The following ZNF622 variants were observed in gnomAD, a reference collection of about 807,000 sequenced individuals.
ZNF622 encodes cytoplasmic 60S subunit biogenesis factor ZNF622.
Under a neutral mutation model 49.7 loss-of-function variants are expected in ZNF622, and 34 were observed. The observed-to-expected ratio is 0.68, with a 90% CI of 0.52 to 0.91. The LOEUF (loss-of-function observed/expected upper bound fraction) is 0.91, where lower values mean the gene tolerates loss of function less well. ZNF622 is among the 40% of genes least tolerant of loss of function. ZNF622 has a pLI of 0.00. For missense variants in ZNF622, 569 were observed against 616.4 expected (o/e 0.92, Z 0.81); for synonymous variants, 209 against 228.7 (o/e 0.91, Z 0.78).
intron 3 of ZNF622, among the ~76,000 whole-genome samples, chr5:16,459,253 T>C (rs1738084626): frequency 6.6e-6 from 1 of 152,180 alleles, no homozygotes; most frequent in Non-Finnish European, 1.5e-5. Context: ...AAAGTGTACA[T>C]TAAATTATTA....
chr5:16,452,362 T>C (rs1737948112), intron 5 of ZNF622, among the ~76,000 whole-genome samples: 3 of 152,210 alleles, frequency 2.0e-5, no homozygotes, highest in African/African-American at 7.2e-5. Flanking sequence ...AGAATAGATG[T>C]AAAGAGTACC....
Position 16,451,897 on chromosome 5 carries a change from T to C in ZNF622, c.1307-113A>G, listed in dbSNP as rs1316022618. 4.4e-6 allele frequency: 6 copies of C among 1,355,430 alleles called. No homozygotes were observed. The East Asian group carries it at 1.4e-4, about 32-fold the overall frequency. The allele number at this position is 1,355,430 out of a possible 1,614,324, so 84.0% of individuals were successfully genotyped here. On this transcript the variant is annotated intron_variant, in intron 5 of 5. Transcript: ENST00000308683. ...TTAGTTTGGGGTAACTAGGTTCTTG[T>C]ATTTAAAACAGAGTTGCTAACTTGG...
At chr5:16,453,559 T>TTATATA (rs58965299) in intron 4 of ZNF622, among the ~76,000 whole-genome samples, 1,745 of 66,208 alleles carry the variant, frequency 0.026, 114 homozygotes, top group Non-Finnish European at 0.037. Context: ...TAAATAAAAA[T>TTATATA]TATATATATA....
At chr5:16,455,233 C>A (rs1339767675) in intron 4 of ZNF622, among the ~76,000 whole-genome samples, 2 of 152,146 alleles carry the variant, frequency 1.3e-5, no homozygotes, top group Non-Finnish European at 1.5e-5. Flanking sequence ...CTTTCAGAAT[C>A]TTTTGTGTAA....
intron 3 of ZNF622, among the ~76,000 whole-genome samples, chr5:16,461,550 T>C (rs1561069863): frequency 2.0e-5 from 3 of 152,154 alleles, no homozygotes; most frequent in South Asian, 2.1e-4. Flanking sequence ...AGATAGATAG[T>C]GCAAAAGCAG....
chr5:16,456,434 T>C (rs1299654456), intron 4 of ZNF622, among the ~76,000 whole-genome samples: 1 of 152,222 alleles, frequency 6.6e-6, no homozygotes, highest in Non-Finnish European at 1.5e-5. Context: ...GGATACTTTT[T>C]GTCATTAGCT....
In ZNF622 at chr5:16,463,811, C is replaced by T. The variant is rs879215564; in HGVS notation, c.626-69G>A. On this transcript the variant is annotated intron_variant, in intron 1 of 5. Coordinates refer to ENST00000308683, the MANE Select transcript of ZNF622 (RefSeq NM_033414.3). This position sits in a 1 kb window ranked among gnomAD's most constrained non-coding sequence, Gnocchi z 4.2. Reference sequence around the variant, plus strand: ...AGCAAGCAAAGATATCACAAAAATTCACGAGGTGATACAGTCCTATATTTG... The same window carrying T: ...AGCAAGCAAAGATATCACAAAAATTTACGAGGTGATACAGTCCTATATTTG... 6.5e-7 allele frequency: 1 copy of T among 1,539,512 alleles called. No homozygotes were observed. Among genetic ancestry groups the T allele is most frequent in the East Asian group, 2.2e-5 (1 of 44,480 alleles).
Position 16,458,581 on chromosome 5 carries a change from C to T in ZNF622, c.1098G>A (p.Glu366=). ...CCAAGTTCTTTTCTGAGGGCAACTC[C>T]TCAGCCTTATTGGGGTCCTCCCCTT... The part of the protein sequence containing the change: ...HKEGEDPNKA[E]ELPSEKNLEY... The change falls in exon 4 of 6, where the codon GAG becomes GAA. Residue 366 remains glutamate (E), a synonymous_variant. Coordinates refer to ENST00000308683, the MANE Select transcript of ZNF622 (RefSeq NM_033414.3). 1.2e-6 allele frequency: 2 copies of T among 1,613,846 alleles called. No homozygotes were observed. The highest frequency in any genetic ancestry group is 1.7e-6 in the Non-Finnish European group (2 of 1,179,832).
At chr5:16,452,790 GTA>G (rs1379838646) in intron 5 of ZNF622, among the ~76,000 whole-genome samples, 2 of 152,144 alleles carry the variant, frequency 1.3e-5, no homozygotes, top group Non-Finnish European at 2.9e-5. Flanking sequence ...AAAGTTAATG[GTA>G]TATAAAATCA....
intron 4 of ZNF622, among the ~76,000 whole-genome samples, chr5:16,453,391 T>TA (rs1737965225): frequency 6.6e-6 from 1 of 151,556 alleles, no homozygotes. Flanking sequence ...ATAGATTTTT[T>TA]AAAAAGAAAA....
chr5:16,458,709 G>T, intron 3 of ZNF622, 80 bp from the exon 4 acceptor site: 1 of 1,021,054 alleles, frequency 9.8e-7, no homozygotes, highest in Non-Finnish European at 1.4e-6. Context: ...TGCAAATGTG[G>T]CAAACTTCCT....
intron 4 of ZNF622, among the ~76,000 whole-genome samples, chr5:16,454,752 G>C (rs1042200773): frequency 6.6e-6 from 1 of 152,092 alleles, no homozygotes; most frequent in Non-Finnish European, 1.5e-5. Context: ...ATTATCTCTC[G>C]ATGCTTTGGT....
chr5:16,455,053 T>C (rs73753385), intron 4 of ZNF622, among the ~76,000 whole-genome samples: 5,669 of 152,270 alleles, frequency 0.037, 187 homozygotes, highest in African/African-American at 0.092. Flanking sequence ...AGGACAAAAG[T>C]AATCAAATAT....
rs748057242 is a variant in ZNF622, at chr5:16,451,654, C to G, written c.*3G>C. 4 of 1,612,762 alleles carry G rather than the reference C, an allele frequency of 2.5e-6. No individual in the cohort carries two copies. Among genetic ancestry groups the G allele is most frequent in the Non-Finnish European group, 3.4e-6 (4 of 1,179,270 alleles). Reference sequence around the variant, plus strand: ...GAGATGATTGCTCAATCCCAGCAGACTCTCAGAATCTCACTTGGACCCGAA... The same window carrying G: ...GAGATGATTGCTCAATCCCAGCAGAGTCTCAGAATCTCACTTGGACCCGAA... On this transcript the variant is annotated 3_prime_UTR_variant, in exon 6 of 6. Coordinates refer to ENST00000308683, the MANE Select transcript of ZNF622 (RefSeq NM_033414.3).
Position 16,451,571 on chromosome 5 carries a change from G to C in ZNF622, c.*86C>G. Reference sequence around the variant, plus strand: ...AGAACGAATGAAGTAGCAGCAAAAGGGTCTCTCCTATGATCTGTCTTTCAC... The same window carrying C: ...AGAACGAATGAAGTAGCAGCAAAAGCGTCTCTCCTATGATCTGTCTTTCAC... On this transcript the variant is annotated 3_prime_UTR_variant, in exon 6 of 6. Coordinates refer to ENST00000308683, the MANE Select transcript of ZNF622 (RefSeq NM_033414.3). 9 of 1,506,048 alleles carry C rather than the reference G, an allele frequency of 6.0e-6. No homozygotes were observed. Among genetic ancestry groups the C allele is most frequent in the South Asian group, 1.3e-5 (1 of 75,482 alleles). 93.3% of individuals were successfully genotyped at this position (1,506,048 alleles called of 1,614,324 possible).
Position 16,465,490 on chromosome 5 carries a change from T to C in ZNF622, c.176A>G (p.Glu59Gly), listed in dbSNP as rs1358773777. The C allele has an allele frequency of 6.2e-7, 1 of 1,614,088 alleles. No homozygotes were observed. Among genetic ancestry groups the C allele is most frequent in the African/African-American group, 1.3e-5 (1 of 74,952 alleles). The change falls in exon 1 of 6, where the codon GAG becomes GGG. Residue 59 changes from glutamate (E) to glycine (G), a missense_variant. Coordinates refer to ENST00000308683, the MANE Select transcript of ZNF622 (RefSeq NM_033414.3). The surrounding 1 kb of genome is among the most constrained non-coding windows in gnomAD (Gnocchi z 6.2). ...ERVRAQRAVA[E>G]EESKGSATYC... ...GGTGGCCGAGCCCTTGCTCTCCTCC[T>C]CCGCGACGGCCCGCTGCGCCCGCAC...
chr5:16,455,869 C>T (rs1738016911), intron 4 of ZNF622, among the ~76,000 whole-genome samples: 1 of 152,150 alleles, frequency 6.6e-6, no homozygotes, highest in African/African-American at 2.4e-5. Flanking sequence ...ATTCAGAGCT[C>T]CCCCTACCCT....
intron 4 of ZNF622, among the ~76,000 whole-genome samples, chr5:16,456,778 T>G (rs1413630223): frequency 6.6e-6 from 1 of 152,060 alleles, no homozygotes; most frequent in Non-Finnish European, 1.5e-5. Flanking sequence ...AAAGAAAATC[T>G]ACTGGTGTTT....
In ZNF622 at chr5:16,465,017, TC is replaced by T. The variant is rs1430341261; in HGVS notation, c.625+23del. 15 of 1,545,108 alleles carry T rather than the reference TC, an allele frequency of 9.7e-6. No individual in the cohort carries two copies. In the Admixed American group the frequency reaches 1.0e-4, roughly 10 times the overall value. On this transcript the variant is annotated intron_variant, in intron 1 of 5. Transcript: ENST00000308683. This position sits in a 1 kb window ranked among gnomAD's most constrained non-coding sequence, Gnocchi z 6.2. ...GGGTGGGCCAAGTTCCTCTTTACCC[TC>T]CCCGCCCAGACAGGGCCATCACCGT...
Sources: gnomAD v4.1 joint callset for allele counts (sites outside exome capture counted in the v4.1 genomes callset) on GRCh38, gnomAD v4.1.1 for gene constraint, Gnocchi (gnomAD v3.1) non-coding constraint, MANE v1.5 for transcripts, NCBI Gene and HGNC (gene_info 2026-07-23, HGNC 2026-07-21) for gene names.